OSBPL3: variants seen among roughly 807,000 people sequenced by gnomAD.
OSBPL3 encodes oxysterol-binding protein-related protein 3.
OSBPL3 carries 65 observed loss-of-function variants against 120.1 expected under a neutral mutation model. That is an observed-to-expected ratio of 0.54 (90% CI 0.44 to 0.67). OSBPL3 has a LOEUF of 0.67. OSBPL3 is among the 30% of genes least tolerant of loss of function. OSBPL3 has a pLI of 0.00. For synonymous variants in OSBPL3, 416 were observed against 402.6 expected (o/e 1.03, Z -0.40); for missense variants, 1,004 against 1,082.1 (o/e 0.93, Z 1.01).
intron 2 of OSBPL3, among the ~76,000 whole-genome samples, chr7:24,889,667 T>C (rs550296741): frequency 6.6e-6 from 1 of 151,744 alleles, no homozygotes; most frequent in Non-Finnish European, 1.5e-5. Context: ...CAAATAGAAA[T>C]GTGAAGTATA....
At position 24,818,200 on chromosome 7, in the gene OSBPL3, A is replaced by G. The variant is rs1240165511; in HGVS notation, c.1949-1512T>C. ...ATTTGCTAAAGAGGATTCTTTTTGG[A>G]GTGATGAAAATGTTCTAAAATTAAC... On this transcript the variant is annotated intron_variant, in intron 17 of 22. Coordinates refer to ENST00000313367, the MANE Select transcript of OSBPL3 (RefSeq NM_015550.4). This position sits in a 1 kb window ranked among gnomAD's most constrained non-coding sequence, Gnocchi z 4.0. Among the ~76,000 whole-genome samples the G allele has an allele frequency of 2.0e-5, 3 of 152,246 alleles. No homozygotes were observed. The highest frequency in any genetic ancestry group is 4.4e-5 in the Non-Finnish European group (3 of 68,044).
At chr7:24,865,759 T>C (rs551854700) in intron 6 of OSBPL3, among the ~76,000 whole-genome samples, 2 of 152,336 alleles carry the variant, frequency 1.3e-5, no homozygotes, top group South Asian at 4.1e-4. Flanking sequence ...TGCATAGCTA[T>C]ATGCATACCT....
intron 12 of OSBPL3, among the ~76,000 whole-genome samples, chr7:24,845,699 AT>A (rs570606304): frequency 6.6e-6 from 1 of 150,470 alleles, no homozygotes; most frequent in Non-Finnish European, 1.5e-5. Context: ...TCCTTTTGCA[AT>A]TTTTTTCTAT....
chr7:24,806,942 T>TA lies in OSBPL3; in HGVS notation c.2318-41dup, dbSNP rs1793124926. The TA allele has an allele frequency of 6.5e-7, 1 of 1,530,376 alleles. No homozygotes were observed. Among genetic ancestry groups the TA allele is most frequent in the African/African-American group, 1.4e-5 (1 of 72,070 alleles). 94.8% of individuals were successfully genotyped at this position (1,530,376 alleles called of 1,614,324 possible). A position where few individuals can be genotyped will look rare whatever the true frequency, so the allele number is the denominator to read the frequency against. On this transcript the variant is annotated intron_variant, in intron 20 of 22. Coordinates refer to ENST00000313367, the MANE Select transcript of OSBPL3 (RefSeq NM_015550.4). The surrounding 1 kb of genome is among the most constrained non-coding windows in gnomAD (Gnocchi z 5.2). ...AATCATTCACCCCTAACTTGCATGT[T>TA]ACTTATGTTACATTTTAATTCCTTC...
chr7:24,821,398 A>C lies in OSBPL3; in HGVS notation c.1885-1160T>G, dbSNP rs995436197. On this transcript the variant is annotated intron_variant, in intron 16 of 22. Transcript: ENST00000313367. This position sits in a 1 kb window ranked among gnomAD's most constrained non-coding sequence, Gnocchi z 5.5. Reference sequence around the variant, plus strand: ...TTCAGACCCGTCTTATCAAGAACCCAGAATACTGAGCCCTTGCTTGAGATA... The same window carrying C: ...TTCAGACCCGTCTTATCAAGAACCCCGAATACTGAGCCCTTGCTTGAGATA... Among the ~76,000 whole-genome samples, 4 of 152,220 alleles carry C rather than the reference A, an allele frequency of 2.6e-5. No homozygotes were observed. The highest frequency in any genetic ancestry group is 5.9e-5 in the Non-Finnish European group (4 of 68,032).
intron 1 of OSBPL3, among the ~76,000 whole-genome samples, chr7:24,929,108 T>A (rs1347997351): frequency 6.6e-6 from 1 of 152,228 alleles, no homozygotes; most frequent in Non-Finnish European, 1.5e-5. Context: ...ACCAGCCATG[T>A]CTGACAGCTC....
chr7:24,891,535 C>T lies in OSBPL3; in HGVS notation c.96+842G>A, dbSNP rs1190222202. 6.6e-6 allele frequency among the ~76,000 whole-genome samples: 1 copy of T among 152,160 alleles called. No individual in the cohort carries two copies. Among genetic ancestry groups the T allele is most frequent in the African/African-American group, 2.4e-5 (1 of 41,434 alleles). On this transcript the variant is annotated intron_variant, in intron 2 of 22. Coordinates refer to ENST00000313367, the MANE Select transcript of OSBPL3 (RefSeq NM_015550.4). The surrounding 1 kb of genome is among the most constrained non-coding windows in gnomAD (Gnocchi z 4.1). ...GAGGAAAAGGAAATGCCAACAGAAGCAGCAGGTGCTGAAAAGGCTCAGAGA... is the reference window on the plus strand; with the variant it reads ...GAGGAAAAGGAAATGCCAACAGAAGTAGCAGGTGCTGAAAAGGCTCAGAGA...
chr7:24,942,707 A>G (rs374800865), intron 1 of OSBPL3, among the ~76,000 whole-genome samples: 1 of 152,324 alleles, frequency 6.6e-6, no homozygotes, highest in African/African-American at 2.4e-5. Context: ...GTAATACAAT[A>G]CATATGTCGT....
rs546048493 is a variant in OSBPL3, at chr7:24,851,190, A to G, written c.1158+1314T>C. ...AATGAGAACAATAAGAAAGTTAGGG[A>G]AAAAAAACAAAAACACTTTGCTTCT... On this transcript the variant is annotated intron_variant, in intron 11 of 22. Coordinates refer to ENST00000313367, the MANE Select transcript of OSBPL3 (RefSeq NM_015550.4). This position sits in a 1 kb window ranked among gnomAD's most constrained non-coding sequence, Gnocchi z 4.1. 1.3e-5 allele frequency among the ~76,000 whole-genome samples: 2 copies of G among 152,158 alleles called. No homozygotes were observed. The highest frequency in any genetic ancestry group is 2.1e-4 in the South Asian group (1 of 4,812).
chr7:24,974,646 T>C (rs1039631541), intron 1 of OSBPL3, among the ~76,000 whole-genome samples: 2 of 152,080 alleles, frequency 1.3e-5, no homozygotes, highest in Admixed American at 6.6e-5. Context: ...ATACATACAA[T>C]GGGGTATTAC....
chr7:24,943,379 G>C (rs772581200), intron 1 of OSBPL3, among the ~76,000 whole-genome samples: 1 of 152,130 alleles, frequency 6.6e-6, no homozygotes, highest in Non-Finnish European at 1.5e-5. Context: ...TACCTTAAAG[G>C]CTTAAAGGAA....
chr7:24,917,411 T>TATATATATATATATTTGTAAC (rs1554404924), intron 1 of OSBPL3, among the ~76,000 whole-genome samples: 15 of 137,590 alleles, frequency 1.1e-4, no homozygotes, highest in African/African-American at 4.3e-4. Flanking sequence ...CATATATATA[T>TATATATATATATATTTGTAAC]ATATATATAT....
chr7:24,876,665 C>A (rs1358812534), intron 2 of OSBPL3, among the ~76,000 whole-genome samples: 1 of 152,128 alleles, frequency 6.6e-6, no homozygotes, highest in Non-Finnish European at 1.5e-5. Flanking sequence ...TAAGCTGTAT[C>A]CACAATTCTG....
At chr7:24,892,677 G>A in intron 1 of OSBPL3, 56 bp from the exon 2 acceptor site, 1 of 1,254,574 alleles carries the variant, frequency 8.0e-7, no homozygotes, top group Non-Finnish European at 1.0e-6. Flanking sequence ...TCTCTAATTT[G>A]CCACAAATTG....
Position 24,842,354 on chromosome 7 carries a change from G to C in OSBPL3, c.1326C>G (p.Leu442=), listed in dbSNP as rs772158232. Reference sequence around the variant, plus strand: ...ACTCAGAAAGGGAGTCAGTGATGGAGAGTCTACTTTCATTAGAAAGCTGAT... The same window carrying C: ...ACTCAGAAAGGGAGTCAGTGATGGACAGTCTACTTTCATTAGAAAGCTGAT... ...LVHQLSNESR[L]SITDSLSEFF... Residue 442 remains leucine, a synonymous_variant, in exon 13 of 23, where the codon CTC becomes CTG. Transcript: ENST00000313367. 4 of 1,612,200 alleles carry C rather than the reference G, an allele frequency of 2.5e-6. No homozygotes were observed. Among genetic ancestry groups the C allele is most frequent in the South Asian group, 1.1e-5 (1 of 90,918 alleles).
chr7:24,815,550 G>A lies in OSBPL3; in HGVS notation c.2028-347C>T, dbSNP rs747611594. On this transcript the variant is annotated intron_variant, in intron 18 of 22. Coordinates refer to ENST00000313367, the MANE Select transcript of OSBPL3 (RefSeq NM_015550.4). The surrounding 1 kb of genome is among the most constrained non-coding windows in gnomAD (Gnocchi z 5.1). ...TGTCTAATGTTGCTGAACTAGGAAA[G>A]GGAAGCTTGAGAAAGGGATGAAGGT... Among the ~76,000 whole-genome samples the A allele has an allele frequency of 6.6e-6, 1 of 152,206 alleles. No individual in the cohort carries two copies. The highest frequency in any genetic ancestry group is 1.5e-5 in the Non-Finnish European group (1 of 68,036).
intron 1 of OSBPL3, among the ~76,000 whole-genome samples, chr7:24,927,637 C>T (rs2391004): frequency 0.34 from 51,861 of 151,884 alleles, 9,819 homozygotes; most frequent in Non-Finnish European, 0.43. Context: ...TTTTTTTCAC[C>T]GTGATACACT....
At chr7:24,807,833 T>C (rs1207091222) in intron 20 of OSBPL3, among the ~76,000 whole-genome samples, 1 of 152,142 alleles carries the variant, frequency 6.6e-6, no homozygotes. Context: ...ACTACTAAGA[T>C]CTACTTACAG....
chr7:24,959,597 C>A lies in OSBPL3; in HGVS notation c.-150+20289G>T, dbSNP rs164. Among the ~76,000 whole-genome samples, 20,902 of 152,104 alleles carry A rather than the reference C, an allele frequency of 0.14. 1,506 individuals are homozygous for A. The highest frequency in any genetic ancestry group is 0.19 in the East Asian group (961 of 5,168). Reference sequence around the variant, plus strand: ...GTAATCACCTGTTTCTTGTTCTGGACGCTGGTTACACAGGTTATTTATCTT... The same window carrying A: ...GTAATCACCTGTTTCTTGTTCTGGAAGCTGGTTACACAGGTTATTTATCTT... On this transcript the variant is annotated intron_variant, in intron 1 of 22. Coordinates refer to ENST00000313367, the MANE Select transcript of OSBPL3 (RefSeq NM_015550.4). The surrounding 1 kb of genome is among the most constrained non-coding windows in gnomAD (Gnocchi z 4.3).
Sources: allele counts gnomAD v4.1 joint callset (sites outside exome capture counted in the v4.1 genomes callset), GRCh38; gene constraint gnomAD v4.1.1; non-coding constraint Gnocchi (gnomAD v3.1); transcripts MANE v1.5; gene names NCBI Gene and HGNC (gene_info 2026-07-23, HGNC 2026-07-21).